The following CRPPA variants were observed in gnomAD, a reference collection of about 807,000 sequenced individuals.
The protein encoded by CRPPA is CDP-L-ribitol pyrophosphorylase A, also known as D-ribitol-5-phosphate cytidylyltransferase.
CRPPA carries 43 observed loss-of-function variants against 52.0 expected under a neutral mutation model. The observed-to-expected ratio is 0.83, with a 90% CI of 0.65 to 1.07. The LOEUF (loss-of-function observed/expected upper bound fraction) is 1.07. Ranked by LOEUF, CRPPA falls within the 50% of genes least tolerant of loss-of-function variation. The pLI is 0.00. For synonymous variants in CRPPA, 250 were observed against 203.5 expected (o/e 1.23, Z -1.94); for missense variants, 629 against 551.7 (o/e 1.14, Z -1.40).
At chr7:16,363,440 T>C (rs2128309705) in intron 3 of CRPPA, among the ~76,000 whole-genome samples, 1 of 152,290 alleles carries the variant, frequency 6.6e-6, no homozygotes, top group African/African-American at 2.4e-5. Context: ...GATAGCATTA[T>C]AGACTTACTG....
intron 6 of CRPPA, among the ~76,000 whole-genome samples, chr7:16,263,958 G>C (rs1783886887): frequency 6.6e-6 from 1 of 152,030 alleles, no homozygotes; most frequent in Non-Finnish European, 1.5e-5. Flanking sequence ...TCAAATATTA[G>C]TATTTTTGTA....
rs1021013538 is a variant in CRPPA, at chr7:16,325,272, A to G, written c.685-16645T>C. On this transcript the variant is annotated intron_variant, in intron 3 of 9. Transcript: ENST00000407010. Reference sequence around the variant, plus strand: ...CCTTCTTTGAGCTGGAGAACGATGGAAACTAAAGCAGAAATTACACGGAAA... The same window carrying G: ...CCTTCTTTGAGCTGGAGAACGATGGGAACTAAAGCAGAAATTACACGGAAA... Among the ~76,000 whole-genome samples the G allele has an allele frequency of 2.6e-5, 4 of 152,322 alleles. 1 individual carries two copies. The South Asian group carries it at 8.3e-4, about 32-fold the overall frequency.
Position 16,174,847 on chromosome 7 carries a change from G to C in CRPPA, c.1251+41219C>G, listed in dbSNP as rs562806795. On this transcript the variant is annotated intron_variant, in intron 9 of 9. Transcript: ENST00000407010. ...AGGAACCCTTACATTATTCAGCAAA[G>C]AGCTCAATTTAAGATCAAAATAATC... Among the ~76,000 whole-genome samples the C allele has an allele frequency of 1.8e-3, 272 of 152,230 alleles. 1 individual carries two copies. Among genetic ancestry groups the C allele is most frequent in the Middle Eastern group, 0.01 (3 of 294 alleles).
At chr7:16,286,495 TTC>T (rs1458496588) in intron 5 of CRPPA, among the ~76,000 whole-genome samples, 26 of 152,172 alleles carry the variant, frequency 1.7e-4, no homozygotes, top group East Asian at 1.2e-3. Context: ...AATTCCCAGG[TTC>T]TCATCATAGG....
At chr7:16,398,265 C>T (rs1190566934) in intron 2 of CRPPA, among the ~76,000 whole-genome samples, 2 of 151,362 alleles carry the variant, frequency 1.3e-5, no homozygotes, top group Non-Finnish European at 2.9e-5. Flanking sequence ...TCACACGTGA[C>T]CAGTGCATGA....
intron 8 of CRPPA, among the ~76,000 whole-genome samples, chr7:16,219,621 A>C (rs925569880): frequency 8.8e-6 from 1 of 114,270 alleles, no homozygotes; most frequent in African/African-American, 3.1e-5. Flanking sequence ...ATCACCACCC[A>C]TCCCACAGAA....
At chr7:16,161,158 A>T (rs1783295852) in intron 9 of CRPPA, among the ~76,000 whole-genome samples, 1 of 152,124 alleles carries the variant, frequency 6.6e-6, no homozygotes, top group Admixed American at 6.5e-5. Context: ...CTCTCTTCCT[A>T]TTTAAATACG....
chr7:16,212,434 C>G (rs1782176007), intron 9 of CRPPA, among the ~76,000 whole-genome samples: 1 of 152,212 alleles, frequency 6.6e-6, no homozygotes, highest in Non-Finnish European at 1.5e-5. Context: ...CAGCCTTCTT[C>G]TGATGGATCC....
At chr7:16,108,489 C>T (rs1421353004) in intron 9 of CRPPA, among the ~76,000 whole-genome samples, 2 of 151,798 alleles carry the variant, frequency 1.3e-5, no homozygotes, top group African/African-American at 2.4e-5. Flanking sequence ...AGGAGATATA[C>T]ATGAGAATAC....
At chr7:16,243,144 G>A (rs906951978) in intron 8 of CRPPA, among the ~76,000 whole-genome samples, 5 of 152,102 alleles carry the variant, frequency 3.3e-5, no homozygotes, top group African/African-American at 4.8e-5. Context: ...TGCTGTTCTC[G>A]TGATAGTGAG....
chr7:16,113,257 T>C (rs1782303247), intron 9 of CRPPA, among the ~76,000 whole-genome samples: 1 of 151,840 alleles, frequency 6.6e-6, no homozygotes, highest in South Asian at 2.1e-4. Context: ...ACTGGAGAAA[T>C]AATTAAGGAA....
chr7:16,219,186 A>G (rs1284444691), intron 8 of CRPPA, among the ~76,000 whole-genome samples: 1 of 151,998 alleles, frequency 6.6e-6, no homozygotes, highest in South Asian at 2.1e-4. Flanking sequence ...CTGCTCCTGA[A>G]TGACTACTGG....
At chr7:16,388,730 G>T (rs1787360849) in intron 2 of CRPPA, among the ~76,000 whole-genome samples, 2 of 152,040 alleles carry the variant, frequency 1.3e-5, no homozygotes, top group South Asian at 4.1e-4. Context: ...CAAAAAATTA[G>T]CCAGGCATGG....
intron 3 of CRPPA, among the ~76,000 whole-genome samples, chr7:16,350,362 G>A (rs1786116076): frequency 1.3e-5 from 2 of 151,958 alleles, no homozygotes; most frequent in African/African-American, 4.8e-5. Context: ...TACGGTAATG[G>A]CAATAAGTCA....
At chr7:16,306,309 G>C (rs1376775599) in intron 4 of CRPPA, among the ~76,000 whole-genome samples, 1 of 152,204 alleles carries the variant, frequency 6.6e-6, no homozygotes, top group Admixed American at 6.5e-5. Context: ...CTCACCAGTG[G>C]AACCAAGAGA....
At chr7:16,295,917 C>T (rs1249135240) in intron 5 of CRPPA, among the ~76,000 whole-genome samples, 3 of 152,102 alleles carry the variant, frequency 2.0e-5, no homozygotes, top group African/African-American at 4.8e-5. Context: ...AATCATACTA[C>T]TCCGTAGAAA....
In CRPPA at chr7:16,176,591, CT is replaced by C. The variant is rs1781301267; in HGVS notation, c.1251+39474del. ...CATAATGCAAAATAGTAAAATTATT[CT>C]GAAAAAGTAAAACAGTTTAGGAGTT... On this transcript the variant is annotated intron_variant, in intron 9 of 9. Transcript: ENST00000407010. Among the ~76,000 whole-genome samples, 3 of 152,082 alleles carry C rather than the reference CT, an allele frequency of 2.0e-5. No individual in the cohort carries two copies. In the South Asian group the frequency reaches 6.2e-4, roughly 32 times the overall value.
intron 9 of CRPPA, among the ~76,000 whole-genome samples, chr7:16,101,604 C>A (rs1286786242): frequency 6.6e-6 from 1 of 151,766 alleles, no homozygotes; most frequent in East Asian, 1.9e-4. Flanking sequence ...AAAAAAACAG[C>A]TCCTGGATTG....
chr7:16,096,642 A>ACTCTACCCT, intron 9 of CRPPA, among the ~76,000 whole-genome samples: 1 of 152,240 alleles, frequency 6.6e-6, no homozygotes, highest in Non-Finnish European at 1.5e-5. Context: ...CCCAGGGTAG[A>ACTCTACCCT]GTGCAGGTTG....
Sources: gnomAD v4.1 joint callset for allele counts (sites outside exome capture counted in the v4.1 genomes callset) on GRCh38, gnomAD v4.1.1 for gene constraint, MANE v1.5 for transcripts, NCBI Gene and HGNC (gene_info 2026-07-23, HGNC 2026-07-21) for gene names.